Variants in COL4A5 observed in about 807,000 individuals in gnomAD.
COL4A5 encodes collagen alpha-5(IV) chain.
Under a neutral mutation model 130.2 loss-of-function variants are expected in COL4A5, and 26 were observed. The ratio of observed to expected loss-of-function variants is 0.20; its 90% CI spans 0.15 to 0.28. COL4A5 has a LOEUF of 0.28. Ranked by LOEUF, COL4A5 falls within the 10% of genes least tolerant of loss-of-function variation. The pLI, the probability that COL4A5 is intolerant of heterozygous loss-of-function variation, is 1.00. For missense variants in COL4A5, 1,131 were observed against 1,344.3 expected (o/e 0.84, Z 2.48); for synonymous variants, 496 against 439.6 (o/e 1.13, Z -1.60).
At chrX:108,605,044 C>T (rs1207938580) in intron 28 of COL4A5, among the ~76,000 whole-genome samples, 1 of 112,116 alleles carries the variant, frequency 8.9e-6, no homozygotes, top group Non-Finnish European at 1.9e-5. Context: ...CAAACTTTCT[C>T]CATATCAGCA....
In COL4A5 at chrX:108,580,708, G is replaced by A. The variant is rs41300173; in HGVS notation, c.861G>A (p.Glu287=). ...GTCCCCCAGGTGGTGAGAAAGGTGA[G>A]AAGGGTGAGCAAGGAGAGCCAGGCA... is the stretch of plus-strand genomic sequence containing the variant. ...PPGPPGGEKG[E]KGEQGEPGKR... is the part of the protein sequence containing the mutation. The change falls in exon 15 of 53, where the codon GAG becomes GAA. Residue 287 remains glutamate, a synonymous_variant. Coordinates refer to ENST00000328300, the MANE Select transcript of COL4A5 (RefSeq NM_033380.3). 2.1e-4 allele frequency: 255 copies of A among 1,209,246 alleles called. No homozygotes were observed. The highest frequency in any genetic ancestry group is 2.6e-4 in the Non-Finnish European group (232 of 894,718).
At chrX:108,637,629 A>T (rs1479968950) in intron 36 of COL4A5, among the ~76,000 whole-genome samples, 2 of 111,960 alleles carry the variant, frequency 1.8e-5, no homozygotes, top group Non-Finnish European at 3.8e-5. Flanking sequence ...ATCTTACAGA[A>T]CTAAAAATAT....
intron 2 of COL4A5, among the ~76,000 whole-genome samples, chrX:108,546,025 T>C (rs1467183505): frequency 1.8e-5 from 2 of 112,066 alleles, no homozygotes; most frequent in African/African-American, 6.5e-5. Flanking sequence ...ATGGGTCTCC[T>C]GAATACAGCA....
intron 37 of COL4A5, among the ~76,000 whole-genome samples, chrX:108,663,767 C>T (rs1262277502): frequency 9.0e-6 from 1 of 111,307 alleles, no homozygotes; most frequent in Non-Finnish European, 1.9e-5. Context: ...ATGCCAGTTG[C>T]CTCTAAAGTC....
intron 25 of COL4A5, among the ~76,000 whole-genome samples, 155 bp downstream of exon 25, chrX:108,599,025 T>C (rs1338947936): frequency 9.0e-6 from 1 of 110,999 alleles, no homozygotes; most frequent in Non-Finnish European, 1.9e-5. Context: ...ACAATGGTTT[T>C]TATAAGGGGG....
chrX:108,626,990 C>T (rs1348780594), intron 36 of COL4A5: 1 of 741,388 alleles, frequency 1.3e-6, no homozygotes, highest in Non-Finnish European at 1.6e-6. Context: ...TTTTGGTACT[C>T]AGTTTTCATG....
At chrX:108,639,932 C>T (rs936734808) in intron 36 of COL4A5, among the ~76,000 whole-genome samples, 1 of 112,049 alleles carries the variant, frequency 8.9e-6, no homozygotes, top group African/African-American at 3.2e-5. Context: ...TCCTGTATTG[C>T]TAGTAGGAAT....
rs28465565 is a variant in COL4A5 at position 108,666,636 on chromosome X, T to C, written c.3553+42T>C. 0.031 allele frequency: 33,369 copies of C among 1,064,300 alleles called. 4,286 individuals carry two copies. The African/African-American group carries it at 0.44, about 14-fold the overall frequency. The allele number at this position is 1,064,300 out of a possible 1,213,427, so 87.7% of individuals were successfully genotyped here. A position where few individuals can be genotyped will look rare whatever the true frequency, so the allele number is the denominator to read the frequency against. ...TTTTTCCTATTTTTCTAATTTTCTCTGTGTTGAATTTAACTTGCCTTTTTA... is the reference window on the plus strand; with the variant it reads ...TTTTTCCTATTTTTCTAATTTTCTCCGTGTTGAATTTAACTTGCCTTTTTA... On this transcript the variant is annotated intron_variant, in intron 39 of 52. Coordinates refer to ENST00000328300, the MANE Select transcript of COL4A5 (RefSeq NM_033380.3).
At chrX:108,526,319 C>T (rs916660394) in intron 1 of COL4A5, among the ~76,000 whole-genome samples, 5 of 111,641 alleles carry the variant, frequency 4.5e-5, no homozygotes, top group East Asian at 2.8e-4. Context: ...GCTGTATGTT[C>T]GTAGGACAAT....
At chrX:108,683,059 G>C (rs940492131) in intron 47 of COL4A5, among the ~76,000 whole-genome samples, 2 of 111,948 alleles carry the variant, frequency 1.8e-5, no homozygotes, top group Admixed American at 9.5e-5. Flanking sequence ...CTTATCTTGA[G>C]TTAATTTTTG....
chrX:108,582,261 G>A (rs1223070079), intron 16 of COL4A5, among the ~76,000 whole-genome samples: 1 of 110,960 alleles, frequency 9.0e-6, no homozygotes, highest in Admixed American at 9.7e-5. Context: ...GGAACAATTG[G>A]TCTTTGTCTT....
intron 40 of COL4A5, 63 bp downstream of exon 40, chrX:108,667,246 C>A: frequency 1.9e-6 from 2 of 1,036,447 alleles, no homozygotes; most frequent in Admixed American, 4.4e-5. Context: ...CCAAATACAT[C>A]TATTTTTCCA....
chrX:108,580,988 A>G lies in COL4A5; in HGVS notation c.897A>G (p.Lys299=). The G allele has an allele frequency of 8.3e-7, 1 of 1,208,663 alleles. No individual in the cohort carries two copies. Among genetic ancestry groups the G allele is most frequent in the South Asian group, 1.8e-5 (1 of 56,916 alleles). Residue 299 remains lysine, a synonymous_variant, in exon 16 of 53, where the codon AAA becomes AAG. Transcript: ENST00000328300. ...CATTTCTTTGTATCCTATAGGGTAA[A>G]CCAGGCAAAGATGGAGAAAATGGCC... The part of the protein sequence containing the change: ...GEQGEPGKRG[K]PGKDGENGQP...
chrX:108,530,789 T>A (rs1324823948), intron 1 of COL4A5, among the ~76,000 whole-genome samples: 1 of 104,496 alleles, frequency 9.6e-6, no homozygotes, highest in Admixed American at 1.0e-4. Context: ...ATTGTGGAAG[T>A]CAGTGTGGCG....
At chrX:108,500,209 A>G (rs1170576061) in intron 1 of COL4A5, among the ~76,000 whole-genome samples, 1 of 112,102 alleles carries the variant, frequency 8.9e-6, no homozygotes, top group Admixed American at 9.5e-5. Context: ...CTGCGTGGTA[A>G]TTAAAATTAT....
intron 1 of COL4A5, among the ~76,000 whole-genome samples, chrX:108,501,533 T>C (rs1299996365): frequency 2.7e-5 from 3 of 111,989 alleles, no homozygotes; most frequent in Non-Finnish European, 3.8e-5. Flanking sequence ...AACCGATTGC[T>C]GAACAGCTAT....
intron 49 of COL4A5, chrX:108,689,678 A>G: frequency 1.3e-6 from 1 of 754,396 alleles, no homozygotes; most frequent in Non-Finnish European, 1.6e-6. Flanking sequence ...TGTCACTTTG[A>G]TGTTAAAGAA....
In COL4A5 at chrX:108,591,088, C is replaced by T; in HGVS notation, c.1196C>T (p.Pro399Leu). The T allele has an allele frequency of 8.3e-7, 1 of 1,209,890 alleles. No homozygotes were observed. Among genetic ancestry groups the T allele is most frequent in the Non-Finnish European group, 1.1e-6 (1 of 895,167 alleles). Residue 399 changes from proline to leucine, a missense_variant, in exon 20 of 53, where the codon CCT becomes CTT. Pro to Leu is a moderately conservative substitution (Grantham distance 98). Transcript: ENST00000328300. ...GAAVMGPPGP[P>L]GFPGERGQKG... Reference sequence around the variant, plus strand: ...GCAGTTATGGGTCCTCCTGGCCCTCCTGGATTTCCTGGAGAAAGGGGTCAG... The same window carrying T: ...GCAGTTATGGGTCCTCCTGGCCCTCTTGGATTTCCTGGAGAAAGGGGTCAG...
Position 108,692,908 on chromosome X carries a change from C to G in COL4A5, c.4689C>G (p.Ile1563Met), listed in dbSNP as rs761897770. 1.7e-6 allele frequency: 2 copies of G among 1,211,685 alleles called. No homozygotes were observed. The highest frequency in any genetic ancestry group is 3.5e-5 in the African/African-American group (2 of 57,864). ...MSMQPLKGQS[I>M]QPFISRCAVC... ...TGCAACCCCTAAAGGGCCAGAGCAT[C>G]CAGCCATTCATTAGTCGGTAAGGCA... Residue 1563 changes from isoleucine (I) to methionine (M), a missense_variant, in exon 50 of 53, where the codon ATC becomes ATG. Physicochemically the swap from Ile to Met is conservative, Grantham distance 10. Coordinates refer to ENST00000328300, the MANE Select transcript of COL4A5 (RefSeq NM_033380.3).
Sources: allele counts gnomAD v4.1 joint callset (sites outside exome capture counted in the v4.1 genomes callset), GRCh38; gene constraint gnomAD v4.1.1; transcripts MANE v1.5; gene names NCBI Gene and HGNC (gene_info 2026-07-23, HGNC 2026-07-21).